The following DIS3 variants were observed in gnomAD, a reference collection of about 807,000 sequenced individuals.
The protein encoded by DIS3 is DIS3 exosome endoribonuclease and 3'-5' exoribonuclease.
Under a neutral mutation model 113.0 loss-of-function variants are expected in DIS3, and 103 were observed. The ratio of observed to expected loss-of-function variants is 0.91; its 90% confidence interval spans 0.78 to 1.07. DIS3 has a LOEUF of 1.07. DIS3 is among the 50% of genes least tolerant of loss of function. The probability of loss-of-function intolerance (pLI) is 0.00; values close to 1 mark genes in which losing one functional copy is unlikely to be tolerated. For synonymous variants in DIS3, 402 were observed against 394.3 expected (o/e 1.02, Z -0.23); for missense variants, 1,121 against 1,167.1 (o/e 0.96, Z 0.58).
In DIS3 at chr13:72,777,465, A is replaced by T. The variant is rs759052890; in HGVS notation, c.609T>A (p.Ala203=). ...TCEEYVKSLT[A]NPELIDRLAC... ...CAAGACGATCTATGAGTTCGGGGTT[A>T]GCAGTTAGGCTCTTTACATATTCTT... Residue 203 remains alanine, a synonymous_variant, in exon 4 of 21, where the codon GCT becomes GCA. Coordinates refer to ENST00000377767, the MANE Select transcript of DIS3 (RefSeq NM_014953.5). 8 of 1,614,162 alleles carry T rather than the reference A, an allele frequency of 5.0e-6. No individual in the cohort carries two copies. Among genetic ancestry groups the T allele is most frequent in the Non-Finnish European group, 6.8e-6 (8 of 1,179,998 alleles).
intron 6 of DIS3, 114 bp from the exon 7 acceptor site, chr13:72,774,173 G>A (rs1489770356): frequency 8.2e-6 from 5 of 611,204 alleles, no homozygotes; most frequent in Middle Eastern, 3.5e-4. Flanking sequence ...AGTAAATTAT[G>A]ACATAAGACT....
intron 1 of DIS3, 160 bp from the exon 2 acceptor site, chr13:72,781,163 CACTA>C: frequency 7.3e-7 from 1 of 1,374,172 alleles, no homozygotes; most frequent in Non-Finnish European, 1.0e-6. Context: ...AGACAATAGT[CACTA>C]AACCCTTCAG....
Position 72,757,134 on chromosome 13 carries a change from T to C in DIS3, c.*2661A>G, listed in dbSNP as rs1251073517. On this transcript the variant is annotated 3_prime_UTR_variant, in exon 21 of 21. Transcript: ENST00000377767. ...GACTTATCCCTGAATTAAACCTTTC[T>C]AGTAGCTGAAGCACAAGAAAATAAA... 1 of 152,218 alleles carries C rather than the reference T, an allele frequency of 6.6e-6. No individual in the cohort carries two copies. Among genetic ancestry groups the C allele is most frequent in the African/African-American group, 2.4e-5 (1 of 41,440 alleles). The allele number at this position is 152,218 out of a possible 1,614,324, so 9.4% of individuals were successfully genotyped here.
chr13:72,766,755 T>G (rs1405843124), intron 14 of DIS3, among the ~76,000 whole-genome samples: 1 of 152,174 alleles, frequency 6.6e-6, no homozygotes, highest in Non-Finnish European at 1.5e-5. Flanking sequence ...ATAACTTTCA[T>G]GAGGTCAGCT....
In DIS3 at chr13:72,756,761, C is replaced by A; in HGVS notation, c.*3034G>T. On this transcript the variant is annotated 3_prime_UTR_variant, in exon 21 of 21. Transcript: ENST00000377767. ...TGGCAGTCATTTTCATCCTGCCGCC[C>A]TGTGAAAAAGGTGCCTGCTTCTCCT... 6.6e-6 allele frequency: 1 copy of A among 152,314 alleles called. No homozygotes were observed. Among genetic ancestry groups the A allele is most frequent in the Non-Finnish European group, 1.5e-5 (1 of 68,092 alleles). The allele number at this position is 152,314 out of a possible 1,614,324, so 9.4% of individuals were successfully genotyped here. A position where few individuals can be genotyped will look rare whatever the true frequency, so the allele number is the denominator to read the frequency against.
intron 13 of DIS3, among the ~76,000 whole-genome samples, chr13:72,769,634 T>C (rs1489026977): frequency 6.6e-6 from 1 of 152,150 alleles, no homozygotes; most frequent in Non-Finnish European, 1.5e-5. Context: ...GTTTCCCCTC[T>C]GAAAAAGGTT....
In DIS3 at chr13:72,772,261, T is replaced by G. The variant is rs1028316802; in HGVS notation, c.1401A>C (p.Arg467=). 2 of 1,612,000 alleles carry G rather than the reference T, an allele frequency of 1.2e-6. No individual in the cohort carries two copies. Among genetic ancestry groups the G allele is most frequent in the Non-Finnish European group, 8.5e-7 (1 of 1,179,614 alleles). ...AAATACACAGATGCCTCAGGTCTTC[T>G]CGGTTTTTCATGTCCTAGAAGACAT... ...WSITEKDMKN[R]EDLRHLCICS... is the part of the protein sequence containing the mutation. The change falls in exon 10 of 21, where the codon CGA becomes CGC. Residue 467 remains arginine, a synonymous_variant. Transcript: ENST00000377767.
rs2034254724 is a variant in DIS3, at chr13:72,781,897, A to G, written c.-65T>C. 1.3e-5 allele frequency: 18 copies of G among 1,393,912 alleles called. No individual in the cohort carries two copies. Among genetic ancestry groups the G allele is most frequent in the Non-Finnish European group, 1.7e-5 (18 of 1,042,820 alleles). The allele number at this position is 1,393,912 out of a possible 1,614,324, so 86.3% of individuals were successfully genotyped here. On this transcript the variant is annotated 5_prime_UTR_variant, in exon 1 of 21. Transcript: ENST00000377767. ...TTCCAGCAAAAGGCGTCAATCTAGA[A>G]TACGCCTAACCCCGGAGGTTCTTCC...
chr13:72,775,259 T>A lies in DIS3; in HGVS notation c.939A>T (p.Glu313Asp). The stretch of plus-strand genomic sequence containing the variant: ...TCTCCACATCTTCTTCATTTTGACC[T>A]TCATCATGTAAAACCACAGAAGATG... ...VAPSSVVLHD[E>D]GQNEEDVEKE... Residue 313 changes from glutamate (E) to aspartate (D), a missense_variant, in exon 6 of 21, where the codon GAA becomes GAT. This residue lies in a region of DIS3 where 861 missense variants were observed against 915.5 expected (regional missense o/e 0.94). Transcript: ENST00000377767. 1 of 1,613,540 alleles carries A rather than the reference T, an allele frequency of 6.2e-7. No homozygotes were observed.
chr13:72,775,830 C>CA (rs1285666802), intron 5 of DIS3, 95 bp downstream of exon 5: 1 of 1,083,378 alleles, frequency 9.2e-7, no homozygotes, highest in African/African-American at 1.7e-5. Flanking sequence ...TGTGAAGCCT[C>CA]ATATGTTACA....
chr13:72,780,268 G>GT (rs1190406473), intron 2 of DIS3, among the ~76,000 whole-genome samples: 4 of 135,090 alleles, frequency 3.0e-5, no homozygotes, highest in African/African-American at 1.1e-4. Flanking sequence ...GGAGGTTGCA[G>GT]TGAGCAGAGA....
At position 72,772,741 on chromosome 13, in the gene DIS3, C is replaced by T. The variant is rs763198712; in HGVS notation, c.1338G>A (p.Gln446=). The T allele has an allele frequency of 6.2e-7, 1 of 1,613,388 alleles. No individual in the cohort carries two copies. The change falls in exon 9 of 21, where the codon CAG becomes CAA. Residue 446 remains glutamine (Q), a synonymous_variant. Coordinates refer to ENST00000377767, the MANE Select transcript of DIS3 (RefSeq NM_014953.5). ...EHDVPHQPFS[Q]AVLSFLPKMP... ...TCTTTGGCAGAAAACTAAGAACAGC[C>T]TGTGAAAAAGGCTGATGGGGAACAT...
At chr13:72,776,232 T>C in intron 4 of DIS3, 140 bp from the exon 5 acceptor site, 1 of 785,866 alleles carries the variant, frequency 1.3e-6, no homozygotes, top group South Asian at 2.9e-5. Flanking sequence ...TAGCAGTGTT[T>C]CTTATAGGCC....
Position 72,757,750 on chromosome 13 carries a change from C to T in DIS3, c.*2045G>A, listed in dbSNP as rs1466563332. 1.6e-5 allele frequency: 3 copies of T among 191,896 alleles called. No individual in the cohort carries two copies. Among genetic ancestry groups the T allele is most frequent in the African/African-American group, 4.7e-5 (2 of 42,880 alleles). 11.9% of individuals were successfully genotyped at this position (191,896 alleles called of 1,614,324 possible). On this transcript the variant is annotated 3_prime_UTR_variant, in exon 21 of 21. Coordinates refer to ENST00000377767, the MANE Select transcript of DIS3 (RefSeq NM_014953.5). ...CCGGCAAACTTTTTTAAATGGTTGG[C>T]GGGGGTGGGGGAAATCAAATGAGTA...
chr13:72,752,242 G>A lies in DIS3; in HGVS notation c.*7553C>T, dbSNP rs982916060. 1 of 152,146 alleles carries A rather than the reference G, an allele frequency of 6.6e-6. No homozygotes were observed. Among genetic ancestry groups the A allele is most frequent in the Non-Finnish European group, 1.5e-5 (1 of 68,028 alleles). 9.4% of individuals were successfully genotyped at this position (152,146 alleles called of 1,614,324 possible). ...ATTTACATAGCAGTGAATAGAACAT[G>A]ACTTTTTAATTTTTGTCCCCTCATC... On this transcript the variant is annotated 3_prime_UTR_variant, in exon 21 of 21. Coordinates refer to ENST00000377767, the MANE Select transcript of DIS3 (RefSeq NM_014953.5).
rs2033527488 is a variant in DIS3, at chr13:72,757,809, G to A, written c.*1986C>T. 2 of 208,344 alleles carry A rather than the reference G, an allele frequency of 9.6e-6. No individual in the cohort carries two copies. Among genetic ancestry groups the A allele is most frequent in the Middle Eastern group, 1.6e-3 (1 of 636 alleles). 12.9% of individuals were successfully genotyped at this position (208,344 alleles called of 1,614,324 possible). A position where few individuals can be genotyped will look rare whatever the true frequency, so the allele number is the denominator to read the frequency against. On this transcript the variant is annotated 3_prime_UTR_variant, in exon 21 of 21. Coordinates refer to ENST00000377767, the MANE Select transcript of DIS3 (RefSeq NM_014953.5). ...TGACACATCAAAATTATAATGATGT[G>A]CTGCATAACTTTTGGTCAACAATGG... is the stretch of plus-strand genomic sequence containing the variant.
chr13:72,757,668 C>T lies in DIS3; in HGVS notation c.*2127G>A. The T allele has an allele frequency of 5.7e-6, 1 of 176,244 alleles. No individual in the cohort carries two copies. Among genetic ancestry groups the T allele is most frequent in the Non-Finnish European group, 1.2e-5 (1 of 81,828 alleles). 10.9% of individuals were successfully genotyped at this position (176,244 alleles called of 1,614,324 possible). A position where few individuals can be genotyped will look rare whatever the true frequency, so the allele number is the denominator to read the frequency against. On this transcript the variant is annotated 3_prime_UTR_variant, in exon 21 of 21. Transcript: ENST00000377767. ...TCTCAAACTCCTGACATCGAGTGAT[C>T]CACCCGCCTCGTCCTCCCAAAATGC...
Position 72,763,600 on chromosome 13 carries a change from T to C in DIS3, c.1978A>G (p.Asn660Asp), listed in dbSNP as rs562301195. Reference protein sequence around the residue: ...DLQTKELRETNSMVEEFMLLA... With the variant: ...DLQTKELRETDSMVEEFMLLA... ...AACATAAATTCTTCAACCATGGAATTTGTTTCCCTGCCAATGGAAAAAGCA... is the reference window on the plus strand; with the variant it reads ...AACATAAATTCTTCAACCATGGAATCTGTTTCCCTGCCAATGGAAAAAGCA... The change falls in exon 16 of 21, where the codon AAT (asparagine) becomes GAT (aspartate). Residue 660 changes from asparagine (N) to aspartate (D), a missense_variant. By Grantham distance (23) the Asn-to-Asp change is conservative (BLOSUM62 1). Around this residue, in one of 3 missense-constraint regions of DIS3, gnomAD observed 861 missense variants for 915.5 expected, o/e 0.94. Transcript: ENST00000377767. 5.6e-5 allele frequency: 90 copies of C among 1,610,396 alleles called. No individual in the cohort carries two copies. The East Asian group carries it at 1.8e-3, about 32-fold the overall frequency.
Position 72,772,255 on chromosome 13 carries a change from G to C in DIS3, c.1407C>G (p.Asp469Glu). The C allele has an allele frequency of 6.2e-7, 1 of 1,612,220 alleles. No homozygotes were observed. Among genetic ancestry groups the C allele is most frequent in the Non-Finnish European group, 8.5e-7 (1 of 1,179,702 alleles). The change falls in exon 10 of 21, where the codon GAC becomes GAG. Residue 469 changes from aspartate (D) to glutamate (E), a missense_variant. Transcript: ENST00000377767. ...ITEKDMKNRE[D>E]LRHLCICSVD... The stretch of plus-strand genomic sequence containing the variant: ...CACTACAAATACACAGATGCCTCAG[G>C]TCTTCTCGGTTTTTCATGTCCTAGA...
Sources: gnomAD v4.1 joint callset for allele counts (sites outside exome capture counted in the v4.1 genomes callset) on GRCh38, gnomAD v4.1.1 for gene constraint, gnomAD v4.1.1 regional missense constraint, MANE v1.5 for transcripts, NCBI Gene and HGNC (gene_info 2026-07-23, HGNC 2026-07-21) for gene names.